HAVCR2: variants seen among roughly 807,000 people sequenced by gnomAD.
HAVCR2 encodes the protein T cell immunoglobulin mucin 3.
HAVCR2 carries 13 observed loss-of-function variants against 24.7 expected under a neutral mutation model. The ratio of observed to expected loss-of-function variants is 0.53; its 90% CI spans 0.34 to 0.84. HAVCR2 has a LOEUF of 0.84. Among genes scored for constraint, HAVCR2 ranks in the 40% least tolerant of loss-of-function variants. The pLI, the probability that HAVCR2 is intolerant of heterozygous loss-of-function variation, is 0.01. For missense variants in HAVCR2, 343 were observed against 371.2 expected (o/e 0.92, Z 0.62); for synonymous variants, 154 against 143.4 (o/e 1.07, Z -0.53).
chr5:157,106,425 C>T (rs773626370), intron 2 of HAVCR2: 18 of 580,080 alleles, frequency 3.1e-5, no homozygotes, highest in Non-Finnish European at 5.5e-5. Context: ...CCACCACGCC[C>T]AGGCACACCC....
At chr5:157,091,527 G>A (rs1413718143) in intron 5 of HAVCR2, among the ~76,000 whole-genome samples, 1 of 152,056 alleles carries the variant, frequency 6.6e-6, no homozygotes, top group Non-Finnish European at 1.5e-5. Flanking sequence ...GACCATTTCC[G>A]TTGTGCTTTG....
At chr5:157,103,490 A>T (rs982677606) in intron 3 of HAVCR2, among the ~76,000 whole-genome samples, 1 of 152,194 alleles carries the variant, frequency 6.6e-6, no homozygotes, top group African/African-American at 2.4e-5. Flanking sequence ...ATGGCATACA[A>T]TAAGTATCTG....
chr5:157,093,015 C>T (rs1356270692), intron 5 of HAVCR2, among the ~76,000 whole-genome samples: 1 of 147,338 alleles, frequency 6.8e-6, no homozygotes, highest in African/African-American at 2.5e-5. Context: ...TTGAAGTGAG[C>T]CAAGATCACA....
At chr5:157,100,880 G>C (rs576378143) in intron 3 of HAVCR2, among the ~76,000 whole-genome samples, 1 of 152,066 alleles carries the variant, frequency 6.6e-6, no homozygotes, top group African/African-American at 2.4e-5. Flanking sequence ...GGCAGATCAC[G>C]AGGTCAGGAG....
rs776936723 is a variant in HAVCR2 at position 157,095,431 on chromosome 5, C to G, written c.551G>C (p.Arg184Pro). The change falls in exon 5 of 7, where the codon CGG becomes CCG. Residue 184 changes from arginine (R) to proline (P), a missense_variant. Arg to Pro is a moderately radical substitution (Grantham distance 103). Coordinates refer to ENST00000307851, the MANE Select transcript of HAVCR2 (RefSeq NM_032782.5). ...TQISTLANELRDSRLANDLRD... is the reference protein window; with the variant it reads ...TQISTLANELPDSRLANDLRD... The stretch of plus-strand genomic sequence containing the variant: ...TAAGTCATTGGCCAATCTAGAGTCC[C>G]GTAACTCATTGGCCAATGTGGATAT... The G allele has an allele frequency of 1.2e-6, 2 of 1,613,918 alleles. No homozygotes were observed. The highest frequency in any genetic ancestry group is 8.5e-7 in the Non-Finnish European group (1 of 1,179,870).
At chr5:157,101,216 A>C (rs1193124320) in intron 3 of HAVCR2, among the ~76,000 whole-genome samples, 1 of 152,238 alleles carries the variant, frequency 6.6e-6, no homozygotes, top group African/African-American at 2.4e-5. Flanking sequence ...TCTTGATAAA[A>C]ATGGTAAAAC....
intron 5 of HAVCR2, among the ~76,000 whole-genome samples, chr5:157,090,865 A>C (rs1756988569): frequency 6.6e-6 from 1 of 152,138 alleles, no homozygotes; most frequent in South Asian, 2.1e-4. Flanking sequence ...TCTCTGAGAC[A>C]GGGTCTCCCT....
intron 3 of HAVCR2, among the ~76,000 whole-genome samples, chr5:157,103,490 A>G (rs982677606): frequency 2.0e-5 from 3 of 152,194 alleles, no homozygotes; most frequent in Middle Eastern, 3.2e-3. Context: ...ATGGCATACA[A>G]TAAGTATCTG....
chr5:157,106,503 T>C (rs976287219), intron 2 of HAVCR2, 124 bp downstream of exon 2: 9 of 734,394 alleles, frequency 1.2e-5, no homozygotes, highest in Non-Finnish European at 2.0e-5. Context: ...TGTTAAACTT[T>C]AGGTCTTAGT....
chr5:157,104,121 T>C (rs1207045173), intron 3 of HAVCR2, among the ~76,000 whole-genome samples: 1 of 152,230 alleles, frequency 6.6e-6, no homozygotes. Flanking sequence ...TTAACCTTCA[T>C]GATCAATGTG....
At chr5:157,087,732 C>T (rs1266701815) in intron 6 of HAVCR2, among the ~76,000 whole-genome samples, 2 of 151,660 alleles carry the variant, frequency 1.3e-5, no homozygotes, top group African/African-American at 2.4e-5. Flanking sequence ...AGTGAAACCC[C>T]GTCTCTACTA....
Position 157,087,275 on chromosome 5 carries a change from G to C in HAVCR2, c.733C>G (p.Leu245Val). ...GCATTTGCCAATCCTGAGGGAGGGA[G>C]GTTGGCCAAAGAGATGAGGCTGTGG... ...QNLSLISLAN[L>V]PPSGLANAVA... The change falls in exon 7 of 7, where the codon CTC becomes GTC. Residue 245 changes from leucine to valine, a missense_variant. Leu to Val is a conservative substitution (Grantham distance 32). Coordinates refer to ENST00000307851, the MANE Select transcript of HAVCR2 (RefSeq NM_032782.5). The C allele has an allele frequency of 6.2e-7, 1 of 1,610,162 alleles. No homozygotes were observed. Among genetic ancestry groups the C allele is most frequent in the South Asian group, 1.1e-5 (1 of 89,956 alleles).
chr5:157,086,982 C>A lies in HAVCR2; in HGVS notation c.*120G>T. 1 of 805,014 alleles carries A rather than the reference C, an allele frequency of 1.2e-6. No individual in the cohort carries two copies. Among genetic ancestry groups the A allele is most frequent in the South Asian group, 1.7e-5 (1 of 57,908 alleles). 49.9% of individuals were successfully genotyped at this position (805,014 alleles called of 1,614,324 possible). ...CAATTCCCATGTGAGTCATTATCTT[C>A]TGAAAATGGGAAAACTCTGCTCCAT... On this transcript the variant is annotated 3_prime_UTR_variant, in exon 7 of 7. Transcript: ENST00000307851.
At chr5:157,096,649 C>T (rs2113689208) in intron 4 of HAVCR2, among the ~76,000 whole-genome samples, 1 of 151,972 alleles carries the variant, frequency 6.6e-6, no homozygotes, top group South Asian at 2.1e-4. Flanking sequence ...TGGTGGCGGG[C>T]ACCTATAGTC....
intron 3 of HAVCR2, 30 bp from the exon 4 acceptor site, chr5:157,098,931 G>A (rs1561621890): frequency 6.5e-7 from 1 of 1,541,204 alleles, no homozygotes; most frequent in Non-Finnish European, 8.9e-7. Context: ...GAGAGAGAGA[G>A]GAAAAATAGC....
intron 3 of HAVCR2, 145 bp downstream of exon 3, chr5:157,104,521 C>G: frequency 5.5e-6 from 3 of 548,204 alleles, no homozygotes; most frequent in Non-Finnish European, 6.5e-6. Flanking sequence ...TCCACCACTT[C>G]CCTCTTTTCA....
At chr5:157,106,285 C>G (rs1757250823) in intron 2 of HAVCR2, 1 of 215,870 alleles carries the variant, frequency 4.6e-6, no homozygotes. Context: ...CTCCCGTAAC[C>G]ATGCCTGGCT....
chr5:157,100,292 T>C lies in HAVCR2; in HGVS notation c.479-1391A>G, dbSNP rs1757150247. ...AGCAAATGACAAAATGGCCTTCCAA[T>C]TTAGGTCTGCATAGCCTTAAATGCA... On this transcript the variant is annotated intron_variant, in intron 3 of 6. Coordinates refer to ENST00000307851, the MANE Select transcript of HAVCR2 (RefSeq NM_032782.5). 2.6e-5 allele frequency among the ~76,000 whole-genome samples: 4 copies of C among 152,328 alleles called. No individual in the cohort carries two copies. In the South Asian group the frequency reaches 8.3e-4, roughly 32 times the overall value.
In HAVCR2 at chr5:157,090,164, C is replaced by T. The variant is rs1756977330; in HGVS notation, c.677-1187G>A. On this transcript the variant is annotated intron_variant, in intron 5 of 6. Coordinates refer to ENST00000307851, the MANE Select transcript of HAVCR2 (RefSeq NM_032782.5). ...TTTTTTTTTGAGACAGGGTCTTGCT[C>T]TGTTGGCCAGGCTGGAATGCAGTAG... Among the ~76,000 whole-genome samples the T allele has an allele frequency of 2.9e-5, 3 of 105,056 alleles. No homozygotes were observed. The South Asian group carries it at 1.0e-3, about 35-fold the overall frequency. 68.9% of individuals were successfully genotyped at this position (105,056 alleles called of 152,430 possible).
Sources: allele counts gnomAD v4.1 joint callset (sites outside exome capture counted in the v4.1 genomes callset), GRCh38; gene constraint gnomAD v4.1.1; transcripts MANE v1.5; gene names NCBI Gene and HGNC (gene_info 2026-07-23, HGNC 2026-07-21).